Variants in WWOX observed in about 807,000 individuals in gnomAD.
WWOX encodes WW domain-containing oxidoreductase.
Under a neutral mutation model 46.2 loss-of-function variants are expected in WWOX, and 69 were observed. That is an observed-to-expected ratio of 1.49 (90% CI 1.23 to 1.82). WWOX has a LOEUF of 1.82. WWOX is among the 40% of genes most tolerant of loss of function. The pLI, the probability that WWOX is intolerant of heterozygous loss-of-function variation, is 0.00. For synonymous variants in WWOX, 359 were observed against 202.6 expected, an observed-to-expected ratio of 1.77 and a Z score of -6.56; for missense variants, 919 against 542.6, an observed-to-expected ratio of 1.69 and a Z score of -6.89.
intron 8 of WWOX, among the ~76,000 whole-genome samples, chr16:78,550,196 G>T (rs573771998): frequency 6.6e-6 from 1 of 152,120 alleles, no homozygotes; most frequent in African/African-American, 2.4e-5. Flanking sequence ...GTTCTCACTG[G>T]ATCATTCCAT....
chr16:79,130,112 A>G (rs931940496), intron 8 of WWOX, among the ~76,000 whole-genome samples: 1 of 152,190 alleles, frequency 6.6e-6, no homozygotes, highest in Non-Finnish European at 1.5e-5. Flanking sequence ...TGTGTTACAG[A>G]TGAGATGTGT....
intron 8 of WWOX, among the ~76,000 whole-genome samples, chr16:79,052,984 G>A (rs1432969009): frequency 1.4e-5 from 2 of 146,994 alleles, no homozygotes; most frequent in Admixed American, 1.4e-4. Context: ...GGATGGGGGG[G>A]TGGGTGGAGG....
intron 8 of WWOX, among the ~76,000 whole-genome samples, chr16:78,953,434 C>T (rs541572697): frequency 3.3e-5 from 5 of 151,838 alleles, no homozygotes; most frequent in African/African-American, 4.8e-5. Flanking sequence ...GAAACCTGTT[C>T]ATCAACAGTC....
chr16:78,144,442 TATATACAC>T lies in WWOX; in HGVS notation c.410-19735_410-19728del, dbSNP rs1410687623. On this transcript the variant is annotated intron_variant, in intron 4 of 8. Coordinates refer to ENST00000566780, the MANE Select transcript of WWOX (RefSeq NM_016373.4). ...TTTTTGCCATTACTATATATATATA[TATATACAC>T]ATATATATATATACACACATATATA... Among the ~76,000 whole-genome samples the T allele has an allele frequency of 5.7e-4, 11 of 19,348 alleles. 2 individuals carry two copies. The highest frequency in any genetic ancestry group is 4.4e-3 in the Admixed American group (5 of 1,148). 12.7% of individuals were successfully genotyped at this position (19,348 alleles called of 152,430 possible).
chr16:78,999,630 A>T (rs1213822502), intron 8 of WWOX, among the ~76,000 whole-genome samples: 1 of 152,172 alleles, frequency 6.6e-6, no homozygotes, highest in African/African-American at 2.4e-5. Context: ...TTATTTTTTC[A>T]CTTACATTTT....
At chr16:78,566,340 C>T (rs926635323) in intron 8 of WWOX, among the ~76,000 whole-genome samples, 4 of 152,182 alleles carry the variant, frequency 2.6e-5, no homozygotes, top group African/African-American at 9.7e-5. Flanking sequence ...TCTCACTTAC[C>T]TCTCTACTAA....
intron 8 of WWOX, among the ~76,000 whole-genome samples, chr16:78,826,809 C>T (rs1223749842): frequency 2.0e-5 from 3 of 152,168 alleles, no homozygotes; most frequent in Non-Finnish European, 2.9e-5. Context: ...AGGTCACAGT[C>T]ACAGCCACCC....
chr16:78,263,816 A>G (rs1029713049), intron 5 of WWOX, among the ~76,000 whole-genome samples: 5 of 152,066 alleles, frequency 3.3e-5, no homozygotes, highest in East Asian at 1.9e-4. Flanking sequence ...CCTGCCTCCA[A>G]TGAAGCCAAC....
intron 8 of WWOX, among the ~76,000 whole-genome samples, chr16:78,665,846 G>A (rs1197888207): frequency 1.3e-5 from 2 of 152,000 alleles, no homozygotes; most frequent in Admixed American, 6.6e-5. Flanking sequence ...CACCATGCCC[G>A]GCTAATTTTT....
chr16:78,397,399 A>G (rs2082312102), intron 6 of WWOX, among the ~76,000 whole-genome samples: 2 of 152,342 alleles, frequency 1.3e-5, no homozygotes, highest in South Asian at 4.1e-4. Flanking sequence ...GGGTTAAAAA[A>G]TGGCAGAAGA....
intron 5 of WWOX, among the ~76,000 whole-genome samples, chr16:78,196,167 G>A (rs1312394484): frequency 1.3e-5 from 2 of 152,180 alleles, no homozygotes; most frequent in African/African-American, 4.8e-5. Flanking sequence ...AGGAAGAAAA[G>A]TTTAACTAGA....
intron 8 of WWOX, among the ~76,000 whole-genome samples, chr16:79,207,081 C>G (rs2051538359): frequency 1.3e-5 from 2 of 152,130 alleles, no homozygotes; most frequent in Non-Finnish European, 2.9e-5. Flanking sequence ...GGGAGTGTTA[C>G]TGGGAGACAG....
intron 8 of WWOX, among the ~76,000 whole-genome samples, chr16:78,784,312 A>C (rs1004380065): frequency 3.3e-5 from 5 of 151,494 alleles, no homozygotes; most frequent in Admixed American, 6.6e-5. Context: ...TCAAGCCCTG[A>C]CTCCTTTTGT....
intron 5 of WWOX, among the ~76,000 whole-genome samples, chr16:78,340,826 C>T (rs1426200930): frequency 8.5e-6 from 1 of 117,990 alleles, no homozygotes; most frequent in Admixed American, 8.4e-5. Context: ...AGTAGGTAAA[C>T]ATTTACAAAG....
At chr16:78,616,459 A>G (rs1382955743) in intron 8 of WWOX, among the ~76,000 whole-genome samples, 1 of 151,456 alleles carries the variant, frequency 6.6e-6, no homozygotes, top group Non-Finnish European at 1.5e-5. Context: ...TCTCTGGGGT[A>G]TCTTTTAAAA....
intron 8 of WWOX, among the ~76,000 whole-genome samples, chr16:78,484,724 C>G (rs2084586626): frequency 6.6e-6 from 1 of 152,064 alleles, no homozygotes; most frequent in Non-Finnish European, 1.5e-5. Flanking sequence ...AATTCTCTCT[C>G]CCAAAATGAA....
intron 8 of WWOX, among the ~76,000 whole-genome samples, chr16:78,466,360 A>C (rs2084078762): frequency 6.6e-6 from 1 of 151,852 alleles, no homozygotes; most frequent in African/African-American, 2.4e-5. Context: ...TGGGGTGGTG[A>C]AACTGTTTTG....
intron 8 of WWOX, among the ~76,000 whole-genome samples, chr16:78,759,447 T>C (rs1465949037): frequency 6.6e-6 from 1 of 152,212 alleles, no homozygotes. Context: ...TGAGTTAAAA[T>C]AAGCCAGTGA....
chr16:78,412,146 G>A (rs2082695935), intron 6 of WWOX, among the ~76,000 whole-genome samples: 1 of 152,186 alleles, frequency 6.6e-6, no homozygotes, highest in African/African-American at 2.4e-5. Flanking sequence ...GGTTCCTAAT[G>A]AGCCTAGAGA....
Sources: gnomAD v4.1 joint callset for allele counts (sites outside exome capture counted in the v4.1 genomes callset) on GRCh38, gnomAD v4.1.1 for gene constraint, MANE v1.5 for transcripts, NCBI Gene and HGNC (gene_info 2026-07-23, HGNC 2026-07-21) for gene names.